SLC2A9: variants seen among roughly 807,000 people sequenced by gnomAD.
SLC2A9 encodes the protein solute carrier family 2 member 9.
SLC2A9 carries 39 observed loss-of-function variants against 50.6 expected under a neutral mutation model. That is an observed-to-expected ratio of 0.77 (90% CI 0.60 to 1.01). The LOEUF (loss-of-function observed/expected upper bound fraction) is 1.01. SLC2A9 is among the 50% of genes least tolerant of loss of function. The pLI, the probability that SLC2A9 is intolerant of heterozygous loss-of-function variation, is 0.00. For missense variants in SLC2A9, 686 were observed against 677.6 expected (o/e 1.01, Z -0.14); for synonymous variants, 324 against 276.9 (o/e 1.17, Z -1.69).
At chr4:9,839,386 G>A (rs896113293) in intron 10 of SLC2A9, among the ~76,000 whole-genome samples, 1 of 152,088 alleles carries the variant, frequency 6.6e-6, no homozygotes, top group African/African-American at 2.4e-5. Context: ...ACTGTTCGTG[G>A]GAGTGTAAAT....
At chr4:9,984,086 A>C (rs17246501) in intron 4 of SLC2A9, among the ~76,000 whole-genome samples, 63,754 of 152,118 alleles carry the variant, frequency 0.42, 14,524 homozygotes, top group Non-Finnish European at 0.51. Flanking sequence ...ATAAACTCTC[A>C]ATAGCCATCA....
chr4:9,977,068 A>G (rs1560421178), intron 5 of SLC2A9, among the ~76,000 whole-genome samples: 2 of 151,850 alleles, frequency 1.3e-5, no homozygotes, highest in Non-Finnish European at 2.9e-5. Context: ...CTCTGACCCA[A>G]CTCATAACTG....
At chr4:9,992,389 G>C (rs1003549658) in intron 3 of SLC2A9, among the ~76,000 whole-genome samples, 1 of 152,204 alleles carries the variant, frequency 6.6e-6, no homozygotes, top group Non-Finnish European at 1.5e-5. Context: ...GGGTTGTCCC[G>C]TGCATTGTAG....
chr4:9,877,900 A>G (rs1434684014), intron 10 of SLC2A9, among the ~76,000 whole-genome samples: 1 of 152,118 alleles, frequency 6.6e-6, no homozygotes, highest in East Asian at 1.9e-4. Flanking sequence ...GTGCAATCCT[A>G]AGAGCCTGGC....
At chr4:9,861,949 C>T (rs1288560644) in intron 10 of SLC2A9, among the ~76,000 whole-genome samples, 4 of 152,190 alleles carry the variant, frequency 2.6e-5, no homozygotes, top group Admixed American at 1.3e-4. Flanking sequence ...TTCCTTACCA[C>T]GGAGTTATGA....
At chr4:9,981,304 TGGTGGC>T (rs1382476487) in intron 4 of SLC2A9, among the ~76,000 whole-genome samples, 129 of 151,384 alleles carry the variant, frequency 8.5e-4, no homozygotes, top group East Asian at 1.2e-3. Flanking sequence ...ATGATAGTGA[TGGTGGC>T]GATGGTGGTG....
At chr4:9,955,143 A>G (rs960190727) in intron 5 of SLC2A9, among the ~76,000 whole-genome samples, 3 of 152,162 alleles carry the variant, frequency 2.0e-5, no homozygotes, top group Non-Finnish European at 2.9e-5. Flanking sequence ...AAACAGCCCA[A>G]TCCAAGGGGA....
chr4:9,817,779 G>A (rs1160980772), intron 3 of SLC2A9, among the ~76,000 whole-genome samples: 1 of 152,100 alleles, frequency 6.6e-6, no homozygotes, highest in African/African-American at 2.4e-5. Flanking sequence ...TACCAAACTT[G>A]AGTCTTCATA....
chr4:9,800,203 C>T (rs1035646241), intron 3 of SLC2A9, among the ~76,000 whole-genome samples: 6 of 152,146 alleles, frequency 3.9e-5, no homozygotes, highest in African/African-American at 1.4e-4. Flanking sequence ...GAACTCAGTG[C>T]AGAACTGAAT....
chr4:9,805,480 C>T (rs1355215267), intron 3 of SLC2A9, among the ~76,000 whole-genome samples: 2 of 152,110 alleles, frequency 1.3e-5, no homozygotes, highest in African/African-American at 4.8e-5. Context: ...GGGTGGATCA[C>T]CTGAACTCAG....
chr4:9,884,624 C>G (rs1038675075), intron 10 of SLC2A9, among the ~76,000 whole-genome samples: 1 of 152,058 alleles, frequency 6.6e-6, no homozygotes, highest in Non-Finnish European at 1.5e-5. Flanking sequence ...GTATTAAAAA[C>G]CTGGTTCTCA....
chr4:9,933,275 T>C (rs950130890), intron 6 of SLC2A9, among the ~76,000 whole-genome samples: 4 of 152,156 alleles, frequency 2.6e-5, no homozygotes, highest in African/African-American at 4.8e-5. Context: ...AGTGAGCCAA[T>C]GCCAATGCAA....
At chr4:9,981,370 C>T (rs1755856275) in intron 4 of SLC2A9, among the ~76,000 whole-genome samples, 1 of 92,080 alleles carries the variant, frequency 1.1e-5, no homozygotes, top group Admixed American at 1.2e-4. Flanking sequence ...TGATGGTGGT[C>T]ACAATGATAA....
At chr4:9,913,080 G>T (rs1239763074) in intron 7 of SLC2A9, among the ~76,000 whole-genome samples, 1 of 152,232 alleles carries the variant, frequency 6.6e-6, no homozygotes, top group Non-Finnish European at 1.5e-5. Context: ...TCCCTCTGGA[G>T]TCTCCAGAAG....
chr4:9,929,629 A>C (rs1348354919), intron 6 of SLC2A9, among the ~76,000 whole-genome samples: 1 of 152,146 alleles, frequency 6.6e-6, no homozygotes, highest in Non-Finnish European at 1.5e-5. Context: ...CTGAAATTAG[A>C]GTGGGCAGAG....
chr4:9,782,719 G>T (rs751508044), intron 3 of SLC2A9: 11 of 1,613,852 alleles, frequency 6.8e-6, no homozygotes, highest in Admixed American at 5.0e-5. Flanking sequence ...TCTCTTCCTC[G>T]CTCATCAGCT....
chr4:9,854,655 T>C (rs1405989654), intron 10 of SLC2A9, among the ~76,000 whole-genome samples: 1 of 151,978 alleles, frequency 6.6e-6, no homozygotes. Context: ...GACACATACA[T>C]ACACAAAATA....
At chr4:9,834,388 C>G (rs917795165) in intron 11 of SLC2A9, among the ~76,000 whole-genome samples, 1 of 152,176 alleles carries the variant, frequency 6.6e-6, no homozygotes, top group Admixed American at 6.5e-5. Flanking sequence ...CAGATCCTTT[C>G]CCTACCCAAA....
At chr4:9,958,919 A>G (rs1236618621) in intron 5 of SLC2A9, among the ~76,000 whole-genome samples, 1 of 152,232 alleles carries the variant, frequency 6.6e-6, no homozygotes, top group East Asian at 1.9e-4. Flanking sequence ...TAGAAAACTA[A>G]GCAAATAAGA....
Sources: gnomAD v4.1 joint callset for allele counts (sites outside exome capture counted in the v4.1 genomes callset) on GRCh38, gnomAD v4.1.1 for gene constraint, MANE v1.5 for transcripts, NCBI Gene and HGNC (gene_info 2026-07-23, HGNC 2026-07-21) for gene names.